Variants in MOB3B observed in about 807,000 individuals in gnomAD.
MOB3B encodes MOB kinase activator-like 2B.
Under a neutral mutation model 18.7 loss-of-function variants are expected in MOB3B, and 7 were observed. The observed-to-expected ratio is 0.37, with a 90% CI of 0.21 to 0.70. The LOEUF is 0.70. Among genes scored for constraint, MOB3B ranks in the 30% least tolerant of loss-of-function variants. The pLI is 0.52. For missense variants in MOB3B, 253 were observed against 281.3 expected (o/e 0.90, Z 0.72); for synonymous variants, 111 against 99.9 (o/e 1.11, Z -0.66).
At chr9:27,466,789 C>T (rs115714378) in intron 1 of MOB3B, among the ~76,000 whole-genome samples, 2,988 of 152,156 alleles carry the variant, frequency 0.02, 108 homozygotes, top group African/African-American at 0.069. Context: ...CGGGAAAGAC[C>T]GGCCCTTATG....
chr9:27,517,477 G>C (rs1820253452), intron 1 of MOB3B, among the ~76,000 whole-genome samples: 1 of 151,720 alleles, frequency 6.6e-6, no homozygotes, highest in Admixed American at 6.6e-5. Context: ...GTGAAACCCA[G>C]TCTCTACTAA....
intron 1 of MOB3B, among the ~76,000 whole-genome samples, chr9:27,507,585 A>G (rs1273356346): frequency 1.3e-5 from 2 of 152,206 alleles, no homozygotes; most frequent in Non-Finnish European, 1.5e-5. Flanking sequence ...CAACTATACA[A>G]TGGCATTCAG....
chr9:27,420,485 T>A (rs1822226119), intron 2 of MOB3B, among the ~76,000 whole-genome samples: 1 of 144,886 alleles, frequency 6.9e-6, no homozygotes, highest in African/African-American at 2.6e-5. Flanking sequence ...ATCTATATAT[T>A]TCATATATAT....
At chr9:27,418,479 T>C (rs555214246) in intron 2 of MOB3B, among the ~76,000 whole-genome samples, 2 of 152,114 alleles carry the variant, frequency 1.3e-5, no homozygotes, top group Admixed American at 6.5e-5. Context: ...ATCAAGAAGA[T>C]AATCCACCAC....
At chr9:27,476,326 G>T (rs1819552260) in intron 1 of MOB3B, among the ~76,000 whole-genome samples, 1 of 152,216 alleles carries the variant, frequency 6.6e-6, no homozygotes, top group African/African-American at 2.4e-5. Context: ...GCACTAGGGA[G>T]AAATCTGTTT....
At chr9:27,359,277 G>C (rs1301301573) in intron 2 of MOB3B, 41 bp from the exon 3 acceptor site, 1 of 1,554,704 alleles carries the variant, frequency 6.4e-7, no homozygotes, top group Non-Finnish European at 8.8e-7. Context: ...ACCATGATGG[G>C]ATAGATCCTT....
intron 2 of MOB3B, among the ~76,000 whole-genome samples, chr9:27,415,350 T>C (rs988712961): frequency 6.6e-6 from 1 of 152,132 alleles, no homozygotes; most frequent in Non-Finnish European, 1.5e-5. Flanking sequence ...CCTCTGAAGA[T>C]GGCTCTAAAG....
At chr9:27,519,363 T>C (rs1184765005) in intron 1 of MOB3B, among the ~76,000 whole-genome samples, 1 of 152,202 alleles carries the variant, frequency 6.6e-6, no homozygotes, top group Non-Finnish European at 1.5e-5. Flanking sequence ...TTTAATATCA[T>C]CTCCAAATGA....
At chr9:27,364,864 T>C (rs1454953741) in intron 2 of MOB3B, among the ~76,000 whole-genome samples, 4 of 152,218 alleles carry the variant, frequency 2.6e-5, no homozygotes, top group African/African-American at 9.7e-5. Flanking sequence ...ATTTTCATGA[T>C]AGCAGTCTTG....
At chr9:27,414,336 G>C (rs374095271) in intron 2 of MOB3B, among the ~76,000 whole-genome samples, 43 of 152,276 alleles carry the variant, frequency 2.8e-4, no homozygotes, top group African/African-American at 9.1e-4. Flanking sequence ...AAGCCACAAG[G>C]CCTTGGTGGA....
Position 27,331,506 on chromosome 9 carries a change from T to C in MOB3B, c.622-890A>G, listed in dbSNP as rs548003648. 5.9e-5 allele frequency among the ~76,000 whole-genome samples: 9 copies of C among 152,342 alleles called. No individual in the cohort carries two copies. The South Asian group carries it at 1.0e-3, about 18-fold the overall frequency. On this transcript the variant is annotated intron_variant, in intron 3 of 3. Transcript: ENST00000262244. Reference sequence around the variant, plus strand: ...TGTGTACTGGGGCTCTGGACATGTCTGTTGGCCCTGCTAGACTGGGCGCTA... The same window carrying C: ...TGTGTACTGGGGCTCTGGACATGTCCGTTGGCCCTGCTAGACTGGGCGCTA...
intron 2 of MOB3B, among the ~76,000 whole-genome samples, chr9:27,374,632 A>C (rs1821466254): frequency 6.6e-6 from 1 of 152,150 alleles, no homozygotes; most frequent in Non-Finnish European, 1.5e-5. Flanking sequence ...AGAGATGAGA[A>C]ACTGGTGCCT....
At chr9:27,414,136 C>G (rs1274445670) in intron 2 of MOB3B, among the ~76,000 whole-genome samples, 2 of 152,166 alleles carry the variant, frequency 1.3e-5, no homozygotes, top group African/African-American at 4.8e-5. Context: ...GGCTGCTTCC[C>G]CAGGGAAAAC....
chr9:27,435,573 A>C (rs1345545336), intron 2 of MOB3B, among the ~76,000 whole-genome samples: 1 of 152,056 alleles, frequency 6.6e-6, no homozygotes, highest in African/African-American at 2.4e-5. Context: ...TAGAATAAAG[A>C]ACAGAGTTCT....
intron 3 of MOB3B, among the ~76,000 whole-genome samples, chr9:27,358,521 C>T: frequency 6.6e-6 from 1 of 152,120 alleles, no homozygotes; most frequent in East Asian, 1.9e-4. Flanking sequence ...AAGCAAAGTC[C>T]CTATGAGACT....
intron 1 of MOB3B, among the ~76,000 whole-genome samples, chr9:27,482,244 A>C (rs1819671511): frequency 6.6e-6 from 1 of 152,104 alleles, no homozygotes; most frequent in South Asian, 2.1e-4. Flanking sequence ...GGACGGGAAA[A>C]ACATTAAATA....
At chr9:27,353,433 G>A (rs749066036) in intron 3 of MOB3B, among the ~76,000 whole-genome samples, 1 of 152,024 alleles carries the variant, frequency 6.6e-6, no homozygotes, top group African/African-American at 2.4e-5. Context: ...TGATGCACGT[G>A]TGTGTGTGTG....
intron 1 of MOB3B, among the ~76,000 whole-genome samples, chr9:27,522,192 A>C (rs1820343134): frequency 7.4e-6 from 1 of 135,338 alleles, no homozygotes; most frequent in South Asian, 2.5e-4. Flanking sequence ...CAGTGAGCCG[A>C]GATCGCGCCA....
At chr9:27,491,351 A>G (rs1819815456) in intron 1 of MOB3B, among the ~76,000 whole-genome samples, 1 of 152,196 alleles carries the variant, frequency 6.6e-6, no homozygotes. Context: ...TTCTCCACAG[A>G]TGATGGGAGG....
Sources: gnomAD v4.1 joint callset for allele counts (sites outside exome capture counted in the v4.1 genomes callset) on GRCh38, gnomAD v4.1.1 for gene constraint, MANE v1.5 for transcripts, NCBI Gene and HGNC (gene_info 2026-07-23, HGNC 2026-07-21) for gene names.